Variants in MLLT3 observed in about 807,000 individuals in gnomAD.
The protein encoded by MLLT3 is protein AF-9.
A neutral mutation model predicts 53.2 loss-of-function variants in MLLT3; 4 were observed. That is an observed-to-expected ratio of 0.08 (90% CI 0.04 to 0.17). MLLT3 has a LOEUF of 0.17. MLLT3 is among the 10% of genes least tolerant of loss of function. The pLI is 1.00. For missense variants in MLLT3, 569 were observed against 684.0 expected, an observed-to-expected ratio of 0.83 and a Z score of 1.87; for synonymous variants, 283 against 230.6, an observed-to-expected ratio of 1.23 and a Z score of -2.06.
intron 2 of MLLT3, among the ~76,000 whole-genome samples, chr9:20,565,784 C>T (rs1379692179): frequency 6.6e-6 from 1 of 150,650 alleles, no homozygotes; most frequent in African/African-American, 2.4e-5. Context: ...ACTAGATAAG[C>T]TAGTCACTAC....
intron 4 of MLLT3, among the ~76,000 whole-genome samples, chr9:20,417,062 C>G (rs373013406): frequency 1.7e-3 from 250 of 150,960 alleles, no homozygotes; most frequent in Middle Eastern, 6.8e-3. Flanking sequence ...GGTCTTGTCA[C>G]CAGTCTCCAT....
intron 2 of MLLT3, among the ~76,000 whole-genome samples, chr9:20,482,731 G>A (rs962220123): frequency 1.3e-5 from 2 of 152,016 alleles, no homozygotes; most frequent in African/African-American, 2.4e-5. Flanking sequence ...AGGCATTAGC[G>A]GATTGTTTTC....
chr9:20,549,646 T>C (rs1026977256), intron 2 of MLLT3, among the ~76,000 whole-genome samples: 1 of 152,180 alleles, frequency 6.6e-6, no homozygotes, highest in African/African-American at 2.4e-5. Context: ...ACCTAAACAG[T>C]CTGGCTCCAA....
At chr9:20,392,904 C>G (rs1429599708) in intron 5 of MLLT3, among the ~76,000 whole-genome samples, 1 of 152,122 alleles carries the variant, frequency 6.6e-6, no homozygotes, top group Non-Finnish European at 1.5e-5. Flanking sequence ...ACCTGTAATC[C>G]CAGCACTTTG....
At chr9:20,443,311 GTAGAAGCACAAGGATCCAACTACC>G (rs1823600008) in intron 4 of MLLT3, among the ~76,000 whole-genome samples, 1 of 152,078 alleles carries the variant, frequency 6.6e-6, no homozygotes, top group Non-Finnish European at 1.5e-5. Flanking sequence ...TGCTTTCTTC[GTAGAAGCACAAGGATCCAACTACC>G]TTGCTGGTCA....
chr9:20,550,933 C>T (rs1427035153), intron 2 of MLLT3, among the ~76,000 whole-genome samples: 1 of 151,850 alleles, frequency 6.6e-6, no homozygotes, highest in African/African-American at 2.4e-5. Context: ...AAATTTTTTT[C>T]ATTTTTTTCT....
chr9:20,402,609 AC>A (rs1384060878), intron 5 of MLLT3, among the ~76,000 whole-genome samples: 1 of 152,130 alleles, frequency 6.6e-6, no homozygotes, highest in Non-Finnish European at 1.5e-5. Flanking sequence ...CAATACTGAG[AC>A]TTTTGATTTG....
At chr9:20,548,823 A>ATTT in intron 2 of MLLT3, among the ~76,000 whole-genome samples, 1 of 146,862 alleles carries the variant, frequency 6.8e-6, no homozygotes, top group East Asian at 2.0e-4. Context: ...TTGCTCAAAG[A>ATTT]TTTTTTTTTT....
At chr9:20,565,990 ATATATTTATT>A (rs1563820706) in intron 2 of MLLT3, among the ~76,000 whole-genome samples, 8 of 127,802 alleles carry the variant, frequency 6.3e-5, no homozygotes, top group Non-Finnish European at 3.2e-5. Flanking sequence ...ATATTTATTT[ATATATTTATT>A]TATATATATA....
At position 20,518,798 on chromosome 9, in the gene MLLT3, T is replaced by C. The variant is rs1563797971; in HGVS notation, c.194-62012A>G. Among the ~76,000 whole-genome samples, 4 of 152,234 alleles carry C rather than the reference T, an allele frequency of 2.6e-5. No individual in the cohort carries two copies. In the South Asian group the frequency reaches 8.3e-4, roughly 32 times the overall value. ...CAGACAAACCCCAAATCAAGGGACA[T>C]TCTACAAAATACCTGAAAAAGAATT... On this transcript the variant is annotated intron_variant, in intron 2 of 10. Transcript: ENST00000380338.
chr9:20,417,656 A>T (rs1473432168), intron 4 of MLLT3, among the ~76,000 whole-genome samples: 1 of 152,192 alleles, frequency 6.6e-6, no homozygotes, highest in Non-Finnish European at 1.5e-5. Flanking sequence ...ACATAAATAT[A>T]CATATATTTG....
At chr9:20,391,702 T>G (rs1446016868) in intron 5 of MLLT3, among the ~76,000 whole-genome samples, 2 of 152,198 alleles carry the variant, frequency 1.3e-5, no homozygotes, top group African/African-American at 4.8e-5. Flanking sequence ...TAATATTACT[T>G]CCATCAACTA....
chr9:20,459,114 A>G (rs1201744594), intron 2 of MLLT3, among the ~76,000 whole-genome samples: 2 of 152,142 alleles, frequency 1.3e-5, no homozygotes, highest in African/African-American at 4.8e-5. Context: ...CAGAAGCGCG[A>G]GGCATTTTTA....
intron 10 of MLLT3, among the ~76,000 whole-genome samples, chr9:20,350,007 C>T (rs561995463): frequency 6.6e-6 from 1 of 152,146 alleles, no homozygotes; most frequent in African/African-American, 2.4e-5. Flanking sequence ...AGCATGTGCC[C>T]ACATCCTCAT....
intron 2 of MLLT3, among the ~76,000 whole-genome samples, chr9:20,576,396 T>C (rs373265519): frequency 2.0e-4 from 31 of 152,328 alleles, no homozygotes; most frequent in Non-Finnish European, 2.2e-4. Flanking sequence ...TTAACTTGGC[T>C]AAGTGTTTGG....
chr9:20,472,946 T>G (rs1586976034), intron 2 of MLLT3, among the ~76,000 whole-genome samples: 1 of 149,604 alleles, frequency 6.7e-6, no homozygotes, highest in Admixed American at 6.7e-5. Context: ...TAGCTAAGAG[T>G]CCATTAGTTT....
At chr9:20,540,415 C>G (rs1399103820) in intron 2 of MLLT3, among the ~76,000 whole-genome samples, 6 of 152,232 alleles carry the variant, frequency 3.9e-5, no homozygotes, top group Non-Finnish European at 1.5e-5. Context: ...CACACATCCT[C>G]TGAAATCTAG....
intron 2 of MLLT3, among the ~76,000 whole-genome samples, chr9:20,608,560 A>G (rs1408581461): frequency 6.6e-6 from 1 of 151,972 alleles, no homozygotes; most frequent in Non-Finnish European, 1.5e-5. Flanking sequence ...AACGTTATCT[A>G]CATGTCTCCC....
chr9:20,458,951 C>T (rs1824041011), intron 2 of MLLT3, among the ~76,000 whole-genome samples: 1 of 152,040 alleles, frequency 6.6e-6, no homozygotes, highest in Admixed American at 6.6e-5. Flanking sequence ...CAAGCAAGAG[C>T]CCTAGATTTG....
Sources: gnomAD v4.1 joint callset for allele counts (sites outside exome capture counted in the v4.1 genomes callset) on GRCh38, gnomAD v4.1.1 for gene constraint, MANE v1.5 for transcripts, NCBI Gene and HGNC (gene_info 2026-07-23, HGNC 2026-07-21) for gene names.